NFIB: variants seen among roughly 807,000 people sequenced by gnomAD.
NFIB encodes the protein nuclear factor I B, also known as nuclear factor 1 B-type.
NFIB carries 11 observed loss-of-function variants against 61.5 expected under a neutral mutation model. The ratio of observed to expected loss-of-function variants is 0.18; its 90% CI spans 0.11 to 0.30. The LOEUF is 0.30. NFIB is among the 10% of genes least tolerant of loss of function. The pLI is 1.00. For synonymous variants in NFIB, 260 were observed against 216.5 expected, an observed-to-expected ratio of 1.20 and a Z score of -1.76; for missense variants, 471 against 608.9, an observed-to-expected ratio of 0.77 and a Z score of 2.38.
chr9:14,450,356 A>T, the NFIB span, among the ~76,000 whole-genome samples: 2 of 152,164 alleles, frequency 1.3e-5, no homozygotes, highest in African/African-American at 4.8e-5. Flanking sequence ...TACTCTTCAA[A>T]CTGCATTGAC....
At chr9:14,407,997 T>A in the NFIB span, among the ~76,000 whole-genome samples, 366 of 152,276 alleles carry the variant, frequency 2.4e-3, 1 homozygote, top group African/African-American at 8.3e-3. Context: ...AACAAAAAAA[T>A]TTTAATGCAC....
At chr9:14,410,162 C>G in the NFIB span, among the ~76,000 whole-genome samples, 1 of 151,006 alleles carries the variant, frequency 6.6e-6, no homozygotes, top group Non-Finnish European at 1.5e-5. Context: ...CAATCCTACC[C>G]TTCTCTGAGT....
the NFIB span, among the ~76,000 whole-genome samples, chr9:14,476,215 G>A: frequency 1.4e-4 from 21 of 147,964 alleles, no homozygotes; most frequent in Non-Finnish European, 1.5e-4. Context: ...CAAAGATAAG[G>A]TCGATTTCCT....
At chr9:14,459,192 G>C in the NFIB span, among the ~76,000 whole-genome samples, 3 of 152,134 alleles carry the variant, frequency 2.0e-5, no homozygotes, top group African/African-American at 7.2e-5. Context: ...GAACAGAACA[G>C]AGCCCTCAGA....
chr9:14,262,782 ATTTGTTTG>A (rs138650766), intron 2 of NFIB, among the ~76,000 whole-genome samples: 1 of 151,842 alleles, frequency 6.6e-6, no homozygotes, highest in African/African-American at 2.4e-5. Flanking sequence ...TTTTTTGTTT[ATTTGTTTG>A]TTTGTTTTTT....
At chr9:14,479,857 A>T in the NFIB span, among the ~76,000 whole-genome samples, 1 of 152,118 alleles carries the variant, frequency 6.6e-6, no homozygotes, top group Non-Finnish European at 1.5e-5. Flanking sequence ...AACAAAACCC[A>T]TTTCCAACAA....
intron 1 of NFIB, among the ~76,000 whole-genome samples, chr9:14,348,896 TC>T (rs2061069056): frequency 6.6e-6 from 1 of 152,214 alleles, no homozygotes; most frequent in South Asian, 2.1e-4. Flanking sequence ...TTCATGCGTG[TC>T]TAACATTAAA....
At chr9:14,402,622 A>G (rs995615131), upstream of NFIB, among the ~76,000 whole-genome samples, 2 of 152,196 alleles carry the variant, frequency 1.3e-5, no homozygotes, top group Non-Finnish European at 2.9e-5. Context: ...CCATCTCAAT[A>G]TTTATAACTC....
chr9:14,139,141 A>G (rs2041408121), intron 6 of NFIB, among the ~76,000 whole-genome samples: 1 of 152,306 alleles, frequency 6.6e-6, no homozygotes, highest in East Asian at 1.9e-4. Context: ...AGGCTGCAGG[A>G]TAACAGAAAA....
At chr9:14,344,223 G>C (rs2060990989) in intron 1 of NFIB, among the ~76,000 whole-genome samples, 1 of 151,988 alleles carries the variant, frequency 6.6e-6, no homozygotes. Flanking sequence ...GACCCCAAGA[G>C]AGGCACACAC....
intron 2 of NFIB, among the ~76,000 whole-genome samples, chr9:14,215,560 T>C (rs2050768762): frequency 6.6e-6 from 1 of 152,138 alleles, no homozygotes; most frequent in Non-Finnish European, 1.5e-5. Context: ...AAGTATGTCA[T>C]CAAAAAGTCA....
At chr9:14,275,171 G>A (rs2057910959) in intron 2 of NFIB, among the ~76,000 whole-genome samples, 1 of 152,176 alleles carries the variant, frequency 6.6e-6, no homozygotes, top group African/African-American at 2.4e-5. Flanking sequence ...TCTGAAGGGA[G>A]TTGTTTTACG....
chr9:14,300,053 T>C (rs2059667064), intron 2 of NFIB: 3 of 396,030 alleles, frequency 7.6e-6, no homozygotes, highest in Non-Finnish European at 1.3e-5. Context: ...CGCACTTAGT[T>C]TTCACAAGTT....
Position 14,125,770 on chromosome 9 carries a change from C to T in NFIB, c.926-4G>A, listed in dbSNP as rs376568610. The T allele has an allele frequency of 2.2e-5, 35 of 1,612,890 alleles. No homozygotes were observed. The highest frequency in any genetic ancestry group is 8.0e-5 in the African/African-American group (6 of 74,832). On this transcript the variant is annotated splice_region_variant and splice_polypyrimidine_tract_variant and intron_variant, in intron 6 of 10. Transcript: ENST00000380953. Reference sequence around the variant, plus strand: ...ATAGTAGTCGGAGAAGACATATCTGCGAGAAACAGAGAAAAACCCAAAGCT... The same window carrying T: ...ATAGTAGTCGGAGAAGACATATCTGTGAGAAACAGAGAAAAACCCAAAGCT...
the NFIB span, among the ~76,000 whole-genome samples, chr9:14,423,134 T>A: frequency 6.6e-6 from 1 of 152,236 alleles, no homozygotes; most frequent in Non-Finnish European, 1.5e-5. Context: ...TTAGTTACTT[T>A]TGATTGACTT....
chr9:14,321,247 GA>G (rs1310664909), intron 1 of NFIB, among the ~76,000 whole-genome samples: 1 of 151,796 alleles, frequency 6.6e-6, no homozygotes, highest in African/African-American at 2.4e-5. Flanking sequence ...ATAGGAAGAG[GA>G]AAAAAATCGG....
the NFIB span, among the ~76,000 whole-genome samples, chr9:14,518,523 G>C: frequency 6.6e-6 from 1 of 151,780 alleles, no homozygotes; most frequent in Non-Finnish European, 1.5e-5. Context: ...GGATAGCCTA[G>C]TGGGAAACAA....
intron 2 of NFIB, among the ~76,000 whole-genome samples, chr9:14,282,756 G>A (rs189214158): frequency 2.0e-5 from 3 of 152,318 alleles, no homozygotes; most frequent in Admixed American, 6.5e-5. Flanking sequence ...AGACTAATGA[G>A]TTTCTGAATT....
chr9:14,398,638 A>C, exon 1 of NFIB: 1 of 1,522,686 alleles, frequency 6.6e-7, no homozygotes, highest in Non-Finnish European at 8.8e-7. Flanking sequence ...CCATACTCCG[A>C]ACGGATTCCC....
Sources: gnomAD v4.1 joint callset for allele counts (sites outside exome capture counted in the v4.1 genomes callset) on GRCh38, gnomAD v4.1.1 for gene constraint, MANE v1.5 for transcripts, NCBI Gene and HGNC (gene_info 2026-07-23, HGNC 2026-07-21) for gene names.